Variants in TRPM3 observed in about 807,000 individuals in gnomAD.
TRPM3 encodes long transient receptor potential channel 3.
Under a neutral mutation model 181.2 loss-of-function variants are expected in TRPM3, and 77 were observed. The ratio of observed to expected loss-of-function variants is 0.42; its 90% CI spans 0.35 to 0.51. The LOEUF (loss-of-function observed/expected upper bound fraction) is 0.51, where lower values mean the gene tolerates loss of function less well. Ranked by LOEUF, TRPM3 falls within the 20% of genes least tolerant of loss-of-function variation. The pLI is 0.01. For missense variants in TRPM3, 1,759 were observed against 2,196.7 expected (o/e 0.80, Z 3.98); for synonymous variants, 745 against 796.4 (o/e 0.94, Z 1.09).
chr9:71,006,891 A>G (rs1345444217), intron 1 of TRPM3, among the ~76,000 whole-genome samples: 2 of 122,088 alleles, frequency 1.6e-5, no homozygotes, highest in East Asian at 4.9e-4. Context: ...AAAAAATACA[A>G]AATTAGGTGT....
intron 1 of TRPM3, among the ~76,000 whole-genome samples, chr9:71,011,789 TG>T (rs147349016): frequency 0.16 from 19,570 of 126,068 alleles, 2,195 homozygotes; most frequent in African/African-American, 0.25. Context: ...TTTGTTTTTT[TG>T]TTTTTTTTCA....
At position 71,199,615 on chromosome 9, in the gene TRPM3, T is replaced by G. The variant is rs185496569; in HGVS notation, c.183+247038A>C. Among the ~76,000 whole-genome samples, 110 of 152,340 alleles carry G rather than the reference T, an allele frequency of 7.2e-4. 1 individual carries two copies. The East Asian group carries it at 0.018, about 25-fold the overall frequency. ...GTTTAGTCTTGGGAGAGTGTATGTG[T>G]CAAGGAATTTATCCATTTATTCTAG... On this transcript the variant is annotated intron_variant, in intron 1 of 24. Coordinates refer to the TRPM3 transcript ENST00000357533.
chr9:71,330,587 A>G (rs1314322348), intron 1 of TRPM3, among the ~76,000 whole-genome samples: 3 of 151,910 alleles, frequency 2.0e-5, no homozygotes, highest in Non-Finnish European at 4.4e-5. Context: ...TATAGCAGAA[A>G]AAGCACAGAT....
chr9:71,262,801 G>A (rs1317922439), intron 1 of TRPM3, among the ~76,000 whole-genome samples: 5 of 152,128 alleles, frequency 3.3e-5, no homozygotes, highest in Admixed American at 2.6e-4. Context: ...CTTCCTGGGT[G>A]AGGCAACGCC....
rs547841261 is a variant in TRPM3, at chr9:71,191,434, C to T, written c.183+255219G>A. On this transcript the variant is annotated intron_variant, in intron 1 of 24. Transcript: ENST00000357533. The stretch of plus-strand genomic sequence containing the variant: ...CCTCTCCAGCTCACTTCCATTTCTT[C>T]CTAGCTCATGGTCTGTGCTAGAAGC... Among the ~76,000 whole-genome samples, 7 of 151,974 alleles carry T rather than the reference C, an allele frequency of 4.6e-5. No individual in the cohort carries two copies. The South Asian group carries it at 1.4e-3, about 31-fold the overall frequency.
At chr9:71,273,492 T>C (rs11142771) in intron 1 of TRPM3, among the ~76,000 whole-genome samples, 5,167 of 152,308 alleles carry the variant, frequency 0.034, 131 homozygotes, top group Middle Eastern at 0.065. Context: ...CAAGTTGAAA[T>C]TCATAAGTGA....
intron 12 of TRPM3, among the ~76,000 whole-genome samples, chr9:70,632,782 C>T (rs1277759350): frequency 2.6e-5 from 4 of 152,042 alleles, no homozygotes; most frequent in African/African-American, 9.7e-5. Context: ...CCTGTTCTTT[C>T]TTGTTAGTCT....
At chr9:71,302,983 A>T (rs1013095) in intron 1 of TRPM3, among the ~76,000 whole-genome samples, 26,134 of 152,004 alleles carry the variant, frequency 0.17, 2,284 homozygotes, top group Admixed American at 0.22. Flanking sequence ...GAGTTTCGGA[A>T]CTTGAAGCCT....
At chr9:71,205,817 T>C (rs1187875528) in intron 1 of TRPM3, among the ~76,000 whole-genome samples, 2 of 152,174 alleles carry the variant, frequency 1.3e-5, no homozygotes, top group African/African-American at 2.4e-5. Flanking sequence ...AATGAGCAAA[T>C]TGAACTGTCT....
intron 1 of TRPM3, among the ~76,000 whole-genome samples, chr9:71,445,823 A>G (rs1348693049): frequency 4.6e-5 from 7 of 152,178 alleles, no homozygotes; most frequent in Non-Finnish European, 1.0e-4. Context: ...ATTCTTAATG[A>G]TGTTTGGGAA....
intron 1 of TRPM3, among the ~76,000 whole-genome samples, chr9:70,868,647 A>G (rs1485317988): frequency 6.6e-6 from 1 of 152,066 alleles, no homozygotes; most frequent in Admixed American, 6.6e-5. Context: ...AAAGCCTTGG[A>G]AAGTGCTATT....
chr9:70,694,896 C>T (rs1439909098), intron 8 of TRPM3, among the ~76,000 whole-genome samples: 2 of 152,246 alleles, frequency 1.3e-5, no homozygotes, highest in Non-Finnish European at 2.9e-5. Context: ...ACAAATACCA[C>T]ACTGTTGATG....
At chr9:70,994,894 G>A (rs2097527914) in intron 1 of TRPM3, among the ~76,000 whole-genome samples, 1 of 152,156 alleles carries the variant, frequency 6.6e-6, no homozygotes, top group African/African-American at 2.4e-5. Context: ...CATGAAGCTG[G>A]CCTGGGATGG....
chr9:70,970,058 C>G (rs571639948), intron 1 of TRPM3, among the ~76,000 whole-genome samples: 2 of 152,010 alleles, frequency 1.3e-5, no homozygotes, highest in African/African-American at 4.8e-5. Context: ...TATCATCAGA[C>G]AGAGTTGTGT....
intron 22 of TRPM3, among the ~76,000 whole-genome samples, chr9:70,560,503 G>T (rs2048798304): frequency 1.3e-5 from 2 of 152,138 alleles, no homozygotes; most frequent in African/African-American, 4.8e-5. Flanking sequence ...TGACATGATA[G>T]GTCTAATGTT....
chr9:71,273,111 A>G (rs960553314), intron 1 of TRPM3, among the ~76,000 whole-genome samples: 20 of 152,262 alleles, frequency 1.3e-4, no homozygotes, highest in African/African-American at 4.1e-4. Flanking sequence ...CCTGACTTCA[A>G]GTGACCTGCC....
chr9:70,657,988 C>T (rs916204025), intron 9 of TRPM3, among the ~76,000 whole-genome samples: 2 of 152,064 alleles, frequency 1.3e-5, no homozygotes, highest in Middle Eastern at 3.2e-3. Flanking sequence ...GATGCAAGAC[C>T]AGCCTATGGG....
chr9:70,922,234 C>CT (rs2096664998), intron 1 of TRPM3, among the ~76,000 whole-genome samples: 2 of 152,182 alleles, frequency 1.3e-5, no homozygotes, highest in Middle Eastern at 6.8e-3. Flanking sequence ...AACTACATTC[C>CT]TTTTTTATCA....
At chr9:70,875,286 T>G (rs976410143) in intron 1 of TRPM3, among the ~76,000 whole-genome samples, 3 of 151,980 alleles carry the variant, frequency 2.0e-5, no homozygotes, top group Non-Finnish European at 2.9e-5. Flanking sequence ...GCTTTATTGT[T>G]AGTCCCTCAT....
Sources: allele counts gnomAD v4.1 joint callset (sites outside exome capture counted in the v4.1 genomes callset), GRCh38; gene constraint gnomAD v4.1.1; transcripts MANE v1.5; gene names NCBI Gene and HGNC (gene_info 2026-07-23, HGNC 2026-07-21).